Variants in SLC5A5 observed in about 807,000 individuals in gnomAD.
The protein encoded by SLC5A5 is sodium/iodide cotransporter.
In SLC5A5, 56 loss-of-function variants were observed where a neutral mutation model predicts 68.6. The ratio of observed to expected loss-of-function variants is 0.82; its 90% CI spans 0.66 to 1.02. The LOEUF (loss-of-function observed/expected upper bound fraction) is 1.02, where lower values mean the gene tolerates loss of function less well. SLC5A5 is among the 50% of genes least tolerant of loss of function. The pLI is 0.00. For missense variants in SLC5A5, 807 were observed against 859.8 expected, an observed-to-expected ratio of 0.94 and a Z score of 0.77; for synonymous variants, 398 against 373.0, an observed-to-expected ratio of 1.07 and a Z score of -0.77.
At chr19:17,893,256 C>A (rs1056828220) in intron 14 of SLC5A5, among the ~76,000 whole-genome samples, 1 of 151,754 alleles carries the variant, frequency 6.6e-6, no homozygotes, top group Non-Finnish European at 1.5e-5. Context: ...GCATGCACCA[C>A]CGAGTCTGGT....
At position 17,893,806 on chromosome 19, in the gene SLC5A5, G is replaced by C. The variant is rs1461657264; in HGVS notation, c.1861G>C (p.Glu621Gln). The C allele has an allele frequency of 1.2e-6, 2 of 1,608,470 alleles. No individual in the cohort carries two copies. Reference sequence around the variant, plus strand: ...GTTTTTCTTGGGGCAGAAGGAGCTGGAGGGGGCTGGCTCTTGGACCCCCTG... The same window carrying C: ...GTTTTTCTTGGGGCAGAAGGAGCTGCAGGGGGCTGGCTCTTGGACCCCCTG... The part of the protein sequence containing the change: ...RLFFLGQKEL[E>Q]GAGSWTPCVG... Residue 621 changes from glutamate to glutamine, a missense_variant, in exon 15 of 15, where the codon GAG becomes CAG. Coordinates refer to ENST00000222248, the MANE Select transcript of SLC5A5 (RefSeq NM_000453.3).
intron 13 of SLC5A5, among the ~76,000 whole-genome samples, chr19:17,890,494 C>A (rs1016123474): frequency 2.6e-5 from 4 of 152,174 alleles, no homozygotes; most frequent in African/African-American, 7.2e-5. Flanking sequence ...TGGGCTCAAG[C>A]AATCCTCCTG....
chr19:17,881,319 T>G (rs906190611), intron 8 of SLC5A5, among the ~76,000 whole-genome samples: 1 of 151,762 alleles, frequency 6.6e-6, no homozygotes, highest in Admixed American at 6.6e-5. Flanking sequence ...CAGGCTGGAG[T>G]GCAGTGGTGC....
chr19:17,880,124 C>T (rs1003606384), intron 7 of SLC5A5, among the ~76,000 whole-genome samples: 2 of 152,028 alleles, frequency 1.3e-5, no homozygotes, highest in Non-Finnish European at 2.9e-5. Context: ...TGGTCTCAAA[C>T]TCCTGACCTC....
In SLC5A5 at chr19:17,894,646, T is replaced by G. The variant is rs1456862207; in HGVS notation, c.*769T>G. ...ACCGCGCCCCACCTCTTTCTTATTT[T>G]CTTCCTGGGATTGGGGAGGGGATGA... On this transcript the variant is annotated 3_prime_UTR_variant, in exon 15 of 15. Coordinates refer to ENST00000222248, the MANE Select transcript of SLC5A5 (RefSeq NM_000453.3). 6.6e-6 allele frequency: 1 copy of G among 152,294 alleles called. No individual in the cohort carries two copies. Among genetic ancestry groups the G allele is most frequent in the Non-Finnish European group, 1.5e-5 (1 of 68,186 alleles). 9.4% of individuals were successfully genotyped at this position (152,294 alleles called of 1,614,324 possible). A position where few individuals can be genotyped will look rare whatever the true frequency, so the allele number is the denominator to read the frequency against.
intron 14 of SLC5A5, 50 bp from the exon 15 acceptor site, chr19:17,893,663 G>A (rs757455926): frequency 1.9e-6 from 3 of 1,585,722 alleles, no homozygotes; most frequent in Non-Finnish European, 2.6e-6. Context: ...ACACGGAACA[G>A]GGTGGGGACA....
Position 17,883,749 on chromosome 19 carries a change from G to A in SLC5A5, c.1311G>A (p.Leu437=). Residue 437 remains leucine, a synonymous_variant, in exon 11 of 15, where the codon CTG becomes CTA. Coordinates refer to ENST00000222248, the MANE Select transcript of SLC5A5 (RefSeq NM_000453.3). ...GAGCCTTCATCTTGGGAATGTTCCTGCCGGCCTGCAACACACCGGTGAGTG... is the reference window on the plus strand; with the variant it reads ...GAGCCTTCATCTTGGGAATGTTCCTACCGGCCTGCAACACACCGGTGAGTG... ...LLGAFILGMF[L]PACNTPGVLA... 1 of 1,600,176 alleles carries A rather than the reference G, an allele frequency of 6.2e-7. No individual in the cohort carries two copies. Among genetic ancestry groups the A allele is most frequent in the Non-Finnish European group, 8.5e-7 (1 of 1,172,796 alleles).
rs759902680 is a variant in SLC5A5, at chr19:17,872,672, A to G, written c.353A>G (p.Tyr118Cys). Residue 118 changes from tyrosine to cysteine, a missense_variant, in exon 1 of 15, where the codon TAC becomes TGC. Transcript: ENST00000222248. Reference sequence around the variant, plus strand: ...TACCGCCTGGGCCTCACCAGCACCTACGAGGTACCGGACAGAGGCCCGGGG... The same window carrying G: ...TACCGCCTGGGCCTCACCAGCACCTGCGAGGTACCGGACAGAGGCCCGGGG... ...VFYRLGLTST[Y>C]EYLEMRFSRA... is the part of the protein sequence containing the mutation. The G allele has an allele frequency of 3.2e-6, 5 of 1,582,076 alleles. No individual in the cohort carries two copies. The East Asian group carries it at 1.1e-4, about 35-fold the overall frequency.
chr19:17,874,023 G>C (rs1688746065), intron 1 of SLC5A5, 115 bp from the exon 2 acceptor site: 2 of 745,996 alleles, frequency 2.7e-6, no homozygotes, highest in Non-Finnish European at 4.9e-6. Context: ...CAAGAATCTG[G>C]CGGGCGCGGT....
In SLC5A5 at chr19:17,882,199, C is replaced by T. The variant is rs755539179; in HGVS notation, c.1222C>T (p.Leu408Phe). The T allele has an allele frequency of 1.2e-6, 2 of 1,613,966 alleles. No homozygotes were observed. Among genetic ancestry groups the T allele is most frequent in the East Asian group, 2.2e-5 (1 of 44,866 alleles). Residue 408 changes from leucine (L) to phenylalanine (F), a missense_variant, in exon 10 of 15, where the codon CTC becomes TTC. Leu to Phe is a conservative substitution (Grantham distance 22). Transcript: ENST00000222248. ...CLTVAALSSLLGGGVLQGSFT... is the reference protein window; with the variant it reads ...CLTVAALSSLFGGGVLQGSFT... ...CACCGTGGCAGCCCTGTCCTCACTG[C>T]TCGGAGGAGGTGTCCTTCAGGTGAG...
intron 14 of SLC5A5, among the ~76,000 whole-genome samples, chr19:17,893,497 G>A (rs1379724247): frequency 6.6e-6 from 1 of 152,176 alleles, no homozygotes; most frequent in East Asian, 1.9e-4. Context: ...GATGGCCTGG[G>A]CTGTAGGTGA....
chr19:17,879,113 A>G (rs1215275262), intron 7 of SLC5A5, among the ~76,000 whole-genome samples: 1 of 150,708 alleles, frequency 6.6e-6, no homozygotes, highest in African/African-American at 2.4e-5. Flanking sequence ...ACCAACATGG[A>G]AAAACCCCGT....
chr19:17,881,680 A>G (rs1172599972), intron 8 of SLC5A5, among the ~76,000 whole-genome samples: 3 of 152,206 alleles, frequency 2.0e-5, no homozygotes, highest in African/African-American at 4.8e-5. Flanking sequence ...TTCTGGTCAC[A>G]TGCCCTCACT....
chr19:17,877,776 G>A lies in SLC5A5; in HGVS notation c.752G>A (p.Gly251Asp). 6.2e-7 allele frequency: 1 copy of A among 1,614,242 alleles called. No homozygotes were observed. Among genetic ancestry groups the A allele is most frequent in the Non-Finnish European group, 8.5e-7 (1 of 1,180,040 alleles). Reference protein sequence around the residue: ...RYTFWTFVVGGTLVWLSMYGV... With the variant: ...RYTFWTFVVGDTLVWLSMYGV... ...ACATTCTGGACTTTTGTGGTGGGTGGCACGTTGGTGTGGCTCTCCATGTAT... is the reference window on the plus strand; with the variant it reads ...ACATTCTGGACTTTTGTGGTGGGTGACACGTTGGTGTGGCTCTCCATGTAT... Residue 251 changes from glycine (G) to aspartate (D), a missense_variant, in exon 6 of 15, where the codon GGC becomes GAC. Gly to Asp is a moderately conservative substitution (Grantham distance 94, BLOSUM62 -1). Transcript: ENST00000222248.
chr19:17,883,764 A>T lies in SLC5A5; in HGVS notation c.1326A>T (p.Thr442=). The change falls in exon 11 of 15, where the codon ACA becomes ACT. Residue 442 remains threonine (T), a synonymous_variant. Transcript: ENST00000222248. ...ILGMFLPACN[T]PGVLAGLGAG... The stretch of plus-strand genomic sequence containing the variant: ...GAATGTTCCTGCCGGCCTGCAACAC[A>T]CCGGTGAGTGGGGGCGGGGCAAGGG... The T allele has an allele frequency of 1.2e-6, 1 of 835,312 alleles. No homozygotes were observed. The highest frequency in any genetic ancestry group is 5.5e-5 in the East Asian group (1 of 18,058). 51.7% of individuals were successfully genotyped at this position (835,312 alleles called of 1,614,324 possible).
chr19:17,887,358 G>A (rs1413914228), intron 12 of SLC5A5, among the ~76,000 whole-genome samples: 2 of 152,006 alleles, frequency 1.3e-5, no homozygotes, highest in South Asian at 2.1e-4. Flanking sequence ...GCAGTGGTGC[G>A]ATTTCAGCTC....
chr19:17,876,635 T>G (rs111325823), intron 5 of SLC5A5, among the ~76,000 whole-genome samples: 2,675 of 152,090 alleles, frequency 0.018, 81 homozygotes, highest in African/African-American at 0.061. Context: ...AGGCCAAGGA[T>G]GGCAGATCAT....
At chr19:17,874,069 A>G in intron 1 of SLC5A5, 69 bp from the exon 2 acceptor site, 2 of 1,131,692 alleles carry the variant, frequency 1.8e-6, no homozygotes, top group Non-Finnish European at 2.7e-6. Context: ...TAGAGAGCAG[A>G]CCAGGGACCC....
chr19:17,876,031 G>C lies in SLC5A5; in HGVS notation c.623G>C (p.Arg208Pro). ...AGTGGCTTCTGGGTTGTCCTGGCAC[G>C]CGGTGTCATGCTTGTGGGCGGGCCC... Reference protein sequence around the residue: ...MLSGFWVVLARGVMLVGGPRQ... With the variant: ...MLSGFWVVLAPGVMLVGGPRQ... The change falls in exon 5 of 15, where the codon CGC (arginine) becomes CCC (proline). Residue 208 changes from arginine to proline, a missense_variant. Arg to Pro is a moderately radical substitution (Grantham distance 103). Coordinates refer to ENST00000222248, the MANE Select transcript of SLC5A5 (RefSeq NM_000453.3). 6.2e-7 allele frequency: 1 copy of C among 1,614,186 alleles called. No homozygotes were observed. Among genetic ancestry groups the C allele is most frequent in the Non-Finnish European group, 8.5e-7 (1 of 1,180,034 alleles).
Sources: allele counts gnomAD v4.1 joint callset (sites outside exome capture counted in the v4.1 genomes callset), GRCh38; gene constraint gnomAD v4.1.1; transcripts MANE v1.5; gene names NCBI Gene and HGNC (gene_info 2026-07-23, HGNC 2026-07-21).